Variants in ADAMTS2 observed in about 807,000 individuals in gnomAD.
The protein encoded by ADAMTS2 is A disintegrin and metalloproteinase with thrombospondin motifs 2.
Under a neutral mutation model 123.0 loss-of-function variants are expected in ADAMTS2, and 50 were observed. That is an observed-to-expected ratio of 0.41 (90% CI 0.32 to 0.51). ADAMTS2 has a LOEUF of 0.51. ADAMTS2 is among the 20% of genes least tolerant of loss of function. The probability of loss-of-function intolerance (pLI) is 0.35; values close to 1 mark genes in which losing one functional copy is unlikely to be tolerated. For synonymous variants in ADAMTS2, 678 were observed against 695.4 expected (o/e 0.98, Z 0.39); for missense variants, 1,494 against 1,705.2 (o/e 0.88, Z 2.18).
Position 179,202,736 on chromosome 5 carries a change from C to T in ADAMTS2, c.891+4777G>A, listed in dbSNP as rs1379377399. Among the ~76,000 whole-genome samples, 1 of 151,958 alleles carries T rather than the reference C, an allele frequency of 6.6e-6. No homozygotes were observed. Among genetic ancestry groups the T allele is most frequent in the Non-Finnish European group, 1.5e-5 (1 of 67,984 alleles). On this transcript the variant is annotated intron_variant, in intron 4 of 21. Transcript: ENST00000251582. The surrounding 1 kb of genome is among the most constrained non-coding windows in gnomAD (Gnocchi z 4.0). ...GCACACCGTGTTTCCTTACTCACAC[C>T]ATGGCGCGGGGTGGGTCGGGAGGGC...
chr5:179,207,471 A>ACCCAACCCCCC, intron 4 of ADAMTS2, 42 bp downstream of exon 4: 5 of 1,026,472 alleles, frequency 4.9e-6, no homozygotes, highest in Non-Finnish European at 7.6e-6. Flanking sequence ...CCCCTGGTTG[A>ACCCAACCCCCC]CCCTCCCCGC....
At chr5:179,324,266 C>T (rs529181877) in intron 2 of ADAMTS2, among the ~76,000 whole-genome samples, 29 of 152,138 alleles carry the variant, frequency 1.9e-4, no homozygotes, top group African/African-American at 5.5e-4. Context: ...TTGAATTTTA[C>T]GTTATAAGTT....
chr5:179,266,195 C>T (rs898690338), intron 3 of ADAMTS2, among the ~76,000 whole-genome samples: 5 of 152,204 alleles, frequency 3.3e-5, no homozygotes, highest in Non-Finnish European at 2.9e-5. Context: ...CAAGGTTCAA[C>T]ACTTAGACAT....
At chr5:179,257,755 C>A (rs118123035) in intron 3 of ADAMTS2, among the ~76,000 whole-genome samples, 1 of 152,220 alleles carries the variant, frequency 6.6e-6, no homozygotes, top group South Asian at 2.1e-4. Flanking sequence ...CCAAGAAGCT[C>A]GGTCCTGAGC....
At chr5:179,212,990 G>A (rs537384367) in intron 3 of ADAMTS2, among the ~76,000 whole-genome samples, 13 of 152,258 alleles carry the variant, frequency 8.5e-5, no homozygotes, top group African/African-American at 1.9e-4. Context: ...AAGGGAGCCC[G>A]CTGCCTCCCA....
At chr5:179,233,929 A>G (rs138355375) in intron 3 of ADAMTS2, among the ~76,000 whole-genome samples, 12 of 151,952 alleles carry the variant, frequency 7.9e-5, no homozygotes, top group African/African-American at 2.7e-4. Context: ...CAAGCCAAAC[A>G]TCCTCTCCCT....
chr5:179,117,645 T>C lies in ADAMTS2; in HGVS notation c.3179-3321A>G, dbSNP rs2113169090. On this transcript the variant is annotated intron_variant, in intron 21 of 21. Transcript: ENST00000251582. The surrounding 1 kb of genome is among the most constrained non-coding windows in gnomAD (Gnocchi z 4.2). Reference sequence around the variant, plus strand: ...TTGGCTCACTGCAACCTCCGCCTCCTGGGTTCAAGAGCCTCCCGAGTAGCT... The same window carrying C: ...TTGGCTCACTGCAACCTCCGCCTCCCGGGTTCAAGAGCCTCCCGAGTAGCT... Among the ~76,000 whole-genome samples the C allele has an allele frequency of 6.6e-6, 1 of 151,834 alleles. No individual in the cohort carries two copies. Among genetic ancestry groups the C allele is most frequent in the African/African-American group, 2.4e-5 (1 of 41,400 alleles).
At chr5:179,127,929 C>A in intron 17 of ADAMTS2, 30 bp downstream of exon 17, 1 of 1,612,650 alleles carries the variant, frequency 6.2e-7, no homozygotes, top group East Asian at 2.2e-5. Context: ...CCTCATGTCA[C>A]CCAGGTCCCC....
chr5:179,265,783 G>A (rs1351609907), intron 3 of ADAMTS2, among the ~76,000 whole-genome samples: 4 of 152,238 alleles, frequency 2.6e-5, no homozygotes, highest in Non-Finnish European at 4.4e-5. Flanking sequence ...GGACAGGAGC[G>A]CCGCGGCGTC....
chr5:179,209,548 G>A (rs1339153037), intron 3 of ADAMTS2, among the ~76,000 whole-genome samples: 1 of 114,146 alleles, frequency 8.8e-6, no homozygotes, highest in African/African-American at 3.5e-5. Flanking sequence ...GCACACACAT[G>A]TACACACACA....
chr5:179,183,709 C>G (rs1554128387), intron 4 of ADAMTS2, among the ~76,000 whole-genome samples: 2 of 152,228 alleles, frequency 1.3e-5, no homozygotes, highest in Non-Finnish European at 1.5e-5. Flanking sequence ...AGGGCAAGCC[C>G]AGGGGGGCAC....
intron 2 of ADAMTS2, among the ~76,000 whole-genome samples, chr5:179,295,902 G>C (rs1756316813): frequency 6.6e-6 from 1 of 152,358 alleles, no homozygotes; most frequent in Non-Finnish European, 1.5e-5. Context: ...GAGGCGTGGA[G>C]ACAGGTGGGG....
intron 2 of ADAMTS2, among the ~76,000 whole-genome samples, chr5:179,329,591 A>G (rs926458919): frequency 4.6e-5 from 7 of 152,182 alleles, no homozygotes; most frequent in Admixed American, 3.9e-4. Context: ...AAAGCAAAAC[A>G]TATAATGGAG....
At chr5:179,135,118 C>T (rs1013035148) in intron 13 of ADAMTS2, among the ~76,000 whole-genome samples, 1 of 145,628 alleles carries the variant, frequency 6.9e-6, no homozygotes, top group African/African-American at 2.5e-5. Context: ...GCCCCCAGCT[C>T]CCGGCTCCAG....
chr5:179,245,991 A>G (rs1262795783), intron 3 of ADAMTS2, among the ~76,000 whole-genome samples: 1 of 152,170 alleles, frequency 6.6e-6, no homozygotes, highest in Non-Finnish European at 1.5e-5. Context: ...AAGCTAGTAA[A>G]TCTCAGAATC....
intron 2 of ADAMTS2, among the ~76,000 whole-genome samples, chr5:179,281,614 G>C (rs1766912683): frequency 6.6e-6 from 1 of 152,164 alleles, no homozygotes; most frequent in African/African-American, 2.4e-5. Flanking sequence ...TGGGTTGTTG[G>C]TTTTTGGCTC....
Position 179,344,004 on chromosome 5 carries a change from T to C in ADAMTS2, c.297A>G (p.Gly99=). The C allele has an allele frequency of 1.2e-6, 2 of 1,612,680 alleles. No individual in the cohort carries two copies. Among genetic ancestry groups the C allele is most frequent in the Middle Eastern group, 1.6e-4 (1 of 6,062 alleles). ...GACTGCCAGGCTCCTCCTCGTTGCC[T>C]CCGGGGAAGCTCGGGGTCCGGACCG... ...AAPVRTPSFP[G]GNEEEPGSHL... The change falls in exon 2 of 22, where the codon GGA becomes GGG. Residue 99 remains glycine (G), a synonymous_variant. Transcript: ENST00000251582.
Position 179,332,133 on chromosome 5 carries a change from C to T in ADAMTS2, c.534+11634G>A, listed in dbSNP as rs987534813. On this transcript the variant is annotated intron_variant, in intron 2 of 21. Transcript: ENST00000251582. The surrounding 1 kb of genome is among the most constrained non-coding windows in gnomAD (Gnocchi z 4.2). ...GACAGACATGTGTTCATTAATAGAACAGATCACAGAACTCAGGGAGGCATT... is the reference window on the plus strand; with the variant it reads ...GACAGACATGTGTTCATTAATAGAATAGATCACAGAACTCAGGGAGGCATT... Among the ~76,000 whole-genome samples, 3 of 152,226 alleles carry T rather than the reference C, an allele frequency of 2.0e-5. No homozygotes were observed. Among genetic ancestry groups the T allele is most frequent in the African/African-American group, 4.8e-5 (2 of 41,456 alleles).
At chr5:179,193,448 T>C (rs1764351902) in intron 4 of ADAMTS2, among the ~76,000 whole-genome samples, 2 of 152,140 alleles carry the variant, frequency 1.3e-5, no homozygotes, top group Admixed American at 6.5e-5. Context: ...TGGGAGTCAG[T>C]ACAGAGGCTC....
Sources: gnomAD v4.1 joint callset for allele counts (sites outside exome capture counted in the v4.1 genomes callset) on GRCh38, gnomAD v4.1.1 for gene constraint, Gnocchi (gnomAD v3.1) non-coding constraint, MANE v1.5 for transcripts, NCBI Gene and HGNC (gene_info 2026-07-23, HGNC 2026-07-21) for gene names.